Variants in MYT1L observed in about 807,000 individuals in gnomAD.
MYT1L encodes myelin transcription factor 1-like protein.
In MYT1L, 12 loss-of-function variants were observed where a neutral mutation model predicts 126.7. That is an observed-to-expected ratio of 0.09 (90% confidence interval 0.06 to 0.15). The LOEUF (loss-of-function observed/expected upper bound fraction) is 0.15. MYT1L is among the 10% of genes least tolerant of loss of function. The pLI is 1.00. For synonymous variants in MYT1L, 541 were observed against 604.2 expected (o/e 0.90, Z 1.53); for missense variants, 979 against 1,585.2 (o/e 0.62, Z 6.49).
At chr2:2,246,173 T>G (rs1437026788) in intron 2 of MYT1L, among the ~76,000 whole-genome samples, 3 of 151,932 alleles carry the variant, frequency 2.0e-5, no homozygotes, top group Admixed American at 6.6e-5. Context: ...GCAACTGGAG[T>G]ACTACTGAAA....
At chr2:2,212,825 A>G (rs1421822093) in intron 2 of MYT1L, among the ~76,000 whole-genome samples, 6 of 152,164 alleles carry the variant, frequency 3.9e-5, no homozygotes, top group Non-Finnish European at 7.4e-5. Context: ...TATTCTCCCA[A>G]GTTTGTCATT....
At chr2:2,063,203 C>G (rs189507762) in intron 3 of MYT1L, among the ~76,000 whole-genome samples, 29 of 152,250 alleles carry the variant, frequency 1.9e-4, no homozygotes, top group Admixed American at 1.8e-3. Flanking sequence ...TAAATGTGTT[C>G]TCATTCAGCA....
intron 3 of MYT1L, among the ~76,000 whole-genome samples, chr2:2,155,605 C>CA (rs2086600065): frequency 1.3e-5 from 2 of 152,272 alleles, no homozygotes; most frequent in South Asian, 4.1e-4. Context: ...TTAAAACCCT[C>CA]AATCTCCCCA....
At chr2:1,880,591 G>A (rs1460841851) in intron 18 of MYT1L, among the ~76,000 whole-genome samples, 1 of 152,208 alleles carries the variant, frequency 6.6e-6, no homozygotes, top group East Asian at 1.9e-4. Context: ...AATGAAAAAT[G>A]GAAAAGTTTC....
intron 4 of MYT1L, among the ~76,000 whole-genome samples, chr2:2,037,605 A>G (rs1364106233): frequency 6.6e-6 from 1 of 151,888 alleles, no homozygotes; most frequent in Non-Finnish European, 1.5e-5. Flanking sequence ...AAAATACAAA[A>G]ACTAGCTGGT....
At chr2:2,044,616 T>C (rs1210703450) in intron 4 of MYT1L, among the ~76,000 whole-genome samples, 2 of 152,186 alleles carry the variant, frequency 1.3e-5, no homozygotes, top group African/African-American at 4.8e-5. Flanking sequence ...GAAATGACTC[T>C]AGGTCTTTCT....
intron 2 of MYT1L, among the ~76,000 whole-genome samples, chr2:2,237,807 T>C (rs1346243184): frequency 2.0e-5 from 3 of 152,192 alleles, no homozygotes; most frequent in Non-Finnish European, 2.9e-5. Flanking sequence ...AGAGATGGCA[T>C]CTGCACCTGG....
chr2:2,177,316 T>C (rs2090920815), intron 2 of MYT1L, among the ~76,000 whole-genome samples: 1 of 152,212 alleles, frequency 6.6e-6, no homozygotes, highest in Admixed American at 6.5e-5. Context: ...AATGCAATAT[T>C]GTGTATAATC....
At chr2:2,023,106 G>C (rs965032932) in intron 4 of MYT1L, among the ~76,000 whole-genome samples, 1 of 152,206 alleles carries the variant, frequency 6.6e-6, no homozygotes, top group Non-Finnish European at 1.5e-5. Flanking sequence ...TGTGAGTCAG[G>C]CTATTTTAAA....
chr2:1,995,173 A>G (rs936164315), intron 5 of MYT1L, among the ~76,000 whole-genome samples: 1 of 151,298 alleles, frequency 6.6e-6, no homozygotes, highest in Non-Finnish European at 1.5e-5. Context: ...CATCTATTTT[A>G]TCATCTGCAC....
chr2:2,072,462 C>G (rs2074715588), intron 3 of MYT1L, among the ~76,000 whole-genome samples: 1 of 152,174 alleles, frequency 6.6e-6, no homozygotes, highest in Admixed American at 6.5e-5. Context: ...AATCGTCTTC[C>G]TGTCCTCAAT....
intron 2 of MYT1L, among the ~76,000 whole-genome samples, chr2:2,259,250 CG>C (rs2094896343): frequency 9.8e-6 from 1 of 102,148 alleles, no homozygotes. Context: ...GTGGTGGGGT[CG>C]GGGGAGGGGG....
chr2:2,291,329 G>C (rs1381287337), intron 1 of MYT1L, among the ~76,000 whole-genome samples: 1 of 152,148 alleles, frequency 6.6e-6, no homozygotes, highest in Non-Finnish European at 1.5e-5. Flanking sequence ...AAAATGTTCT[G>C]GGCTCAGGAC....
intron 5 of MYT1L, among the ~76,000 whole-genome samples, chr2:1,983,640 G>A (rs1384807413): frequency 1.3e-5 from 2 of 152,152 alleles, no homozygotes; most frequent in African/African-American, 4.8e-5. Flanking sequence ...TGAAAAGAAT[G>A]CTTGGGCTTG....
intron 23 of MYT1L, 64 bp from the exon 24 acceptor site, chr2:1,792,528 C>T (rs944468324): frequency 3.4e-5 from 52 of 1,538,956 alleles, no homozygotes; most frequent in African/African-American, 6.8e-5. Context: ...TGGTCGTTGC[C>T]GGGGGCCACA....
intron 2 of MYT1L, among the ~76,000 whole-genome samples, chr2:2,248,412 G>A: frequency 6.6e-6 from 1 of 151,962 alleles, no homozygotes; most frequent in Non-Finnish European, 1.5e-5. Context: ...AAAAGCCCAG[G>A]ACCCAATGGC....
intron 1 of MYT1L, among the ~76,000 whole-genome samples, chr2:2,301,642 A>T (rs2095787386): frequency 6.6e-6 from 1 of 151,980 alleles, no homozygotes; most frequent in Admixed American, 6.6e-5. Flanking sequence ...CAGCCTGGGC[A>T]TTATAGTGAG....
At chr2:2,028,395 G>A (rs1201342040) in intron 4 of MYT1L, among the ~76,000 whole-genome samples, 1 of 152,200 alleles carries the variant, frequency 6.6e-6, no homozygotes, top group African/African-American at 2.4e-5. Flanking sequence ...CAGAATTGAA[G>A]GGACTGAATA....
chr2:1,979,259 C>G lies in MYT1L; in HGVS notation c.90-32G>C. 2 of 1,598,324 alleles carry G rather than the reference C, an allele frequency of 1.3e-6. No homozygotes were observed. Among genetic ancestry groups the G allele is most frequent in the Non-Finnish European group, 1.7e-6 (2 of 1,166,958 alleles). On this transcript the variant is annotated intron_variant, in intron 7 of 24. Transcript: ENST00000647738. The surrounding 1 kb of genome is among the most constrained non-coding windows in gnomAD (Gnocchi z 4.0). ...CAGGAAAGAATGGATTACACGGTGC[C>G]GCAGGCAGGCAGGTGAGACGGAAAG...
Sources: gnomAD v4.1 joint callset for allele counts (sites outside exome capture counted in the v4.1 genomes callset) on GRCh38, gnomAD v4.1.1 for gene constraint, Gnocchi (gnomAD v3.1) non-coding constraint, MANE v1.5 for transcripts, NCBI Gene and HGNC (gene_info 2026-07-23, HGNC 2026-07-21) for gene names.